HEATR4: variants seen among roughly 807,000 people sequenced by gnomAD.
HEATR4 encodes HEAT repeat-containing protein 4.
In HEATR4, 95 loss-of-function variants were observed where a neutral mutation model predicts 108.8. The ratio of observed to expected loss-of-function variants is 0.87; its 90% CI spans 0.74 to 1.04. The LOEUF is 1.04. HEATR4 is among the 50% of genes least tolerant of loss of function. The probability of loss-of-function intolerance (pLI) is 0.00; values close to 1 mark genes in which losing one functional copy is unlikely to be tolerated. For synonymous variants in HEATR4, 443 were observed against 459.4 expected (o/e 0.96, Z 0.46); for missense variants, 1,152 against 1,253.8 (o/e 0.92, Z 1.23).
At chr14:73,618,518 T>C in the HEATR4 span, among the ~76,000 whole-genome samples, 1 of 149,330 alleles carries the variant, frequency 6.7e-6, no homozygotes. Context: ...CGGGCTGACC[T>C]CTCCCCTATG....
intron 1 of HEATR4, among the ~76,000 whole-genome samples, chr14:73,544,746 G>C (rs1292392318): frequency 7.0e-5 from 8 of 113,830 alleles, no homozygotes; most frequent in African/African-American, 2.3e-4. Flanking sequence ...AGACAAGCCT[G>C]GGCAACATGG....
At chr14:73,626,713 C>T in the HEATR4 span, among the ~76,000 whole-genome samples, 1 of 147,272 alleles carries the variant, frequency 6.8e-6, no homozygotes, top group Non-Finnish European at 1.5e-5. Context: ...GAAGCTGCAG[C>T]AAGTTATCCA....
the HEATR4 span, among the ~76,000 whole-genome samples, chr14:73,630,023 CA>C: frequency 2.3e-4 from 33 of 141,456 alleles, no homozygotes; most frequent in African/African-American, 8.4e-4. Context: ...GACACCATCT[CA>C]AAAAAAATAA....
In HEATR4 at chr14:73,499,055, A is replaced by C. The variant is rs1394470102; in HGVS notation, c.2356+16T>G. 1 of 1,610,478 alleles carries C rather than the reference A, an allele frequency of 6.2e-7. No homozygotes were observed. ...TATTTAAGGTTGAAGAGTTTGGGGCACTACTTCTATAATACCTCGAATGGC... is the reference window on the plus strand; with the variant it reads ...TATTTAAGGTTGAAGAGTTTGGGGCCCTACTTCTATAATACCTCGAATGGC... On this transcript the variant is annotated intron_variant, in intron 13 of 17. Coordinates refer to ENST00000553558, the MANE Select transcript of HEATR4 (RefSeq NM_001220484.1).
At chr14:73,633,297 G>A in the HEATR4 span, among the ~76,000 whole-genome samples, 1 of 152,050 alleles carries the variant, frequency 6.6e-6, no homozygotes, top group Non-Finnish European at 1.5e-5. Flanking sequence ...GAGCCACTGC[G>A]GGCTGTCCTG....
At chr14:73,626,758 ACACTAAAC>A in the HEATR4 span, among the ~76,000 whole-genome samples, 2 of 150,144 alleles carry the variant, frequency 1.3e-5, no homozygotes, top group African/African-American at 4.9e-5. Context: ...GAAGGTGGCT[ACACTAAAC>A]CACTAAACAA....
the HEATR4 span, chr14:73,613,169 C>G: frequency 2.2e-6 from 1 of 459,190 alleles, no homozygotes; most frequent in East Asian, 3.6e-5. Flanking sequence ...GTCTGGGCGT[C>G]CGCTGTTGCC....
chr14:73,481,125 G>A (rs1192614198), intron 17 of HEATR4, among the ~76,000 whole-genome samples: 1 of 152,136 alleles, frequency 6.6e-6, no homozygotes, highest in African/African-American at 2.4e-5. Flanking sequence ...AATTATTTTA[G>A]TAGAGACATG....
At chr14:73,578,582 A>G in the HEATR4 span, among the ~76,000 whole-genome samples, 1 of 151,954 alleles carries the variant, frequency 6.6e-6, no homozygotes, top group African/African-American at 2.4e-5. Flanking sequence ...TTTTCAACCC[A>G]TGCAAGCTGT....
At chr14:73,535,469 C>CTT (rs869167008) in intron 1 of HEATR4, among the ~76,000 whole-genome samples, 2 of 16,534 alleles carry the variant, frequency 1.2e-4, no homozygotes, top group African/African-American at 1.8e-4. Context: ...TTTCTTCTTT[C>CTT]TTTTTTTTTT....
At chr14:73,540,643 A>G (rs1329029813) in intron 1 of HEATR4, among the ~76,000 whole-genome samples, 6 of 118,274 alleles carry the variant, frequency 5.1e-5, no homozygotes, top group African/African-American at 1.7e-4. Context: ...GGATACTGGA[A>G]AGAGAGGAAA....
intron 1 of HEATR4, among the ~76,000 whole-genome samples, chr14:73,536,516 T>TA (rs543491523): frequency 0.12 from 7,213 of 59,220 alleles, 1,300 homozygotes; most frequent in East Asian, 0.23. Context: ...CCTGTCTCTT[T>TA]AAAAAAAAAA....
At chr14:73,509,194 C>T (rs1039554859) in intron 8 of HEATR4, 118 bp downstream of exon 8, 1 of 1,026,832 alleles carries the variant, frequency 9.7e-7, no homozygotes, top group African/African-American at 1.6e-5. Context: ...TAACATAAAT[C>T]TAAACCCAAT....
the HEATR4 span, among the ~76,000 whole-genome samples, chr14:73,609,454 C>A: frequency 6.6e-6 from 1 of 152,004 alleles, no homozygotes; most frequent in East Asian, 1.9e-4. Flanking sequence ...TTATTAGGAA[C>A]CTGCCAGGTC....
intron 5 of HEATR4, among the ~76,000 whole-genome samples, chr14:73,518,132 G>C (rs1220022249): frequency 2.0e-5 from 3 of 151,854 alleles, no homozygotes; most frequent in Admixed American, 2.0e-4. Context: ...GTCCACAGCT[G>C]TCTGGCGGGT....
the HEATR4 span, among the ~76,000 whole-genome samples, chr14:73,626,852 G>A: frequency 4.4e-5 from 6 of 137,258 alleles, no homozygotes; most frequent in Non-Finnish European, 6.1e-5. Flanking sequence ...AGGCTAGAGT[G>A]CAATGGTACG....
the HEATR4 span, among the ~76,000 whole-genome samples, chr14:73,610,266 C>G: frequency 6.7e-6 from 1 of 149,878 alleles, no homozygotes; most frequent in East Asian, 2.0e-4. Flanking sequence ...AATGTTGCAC[C>G]GAGATTGTTT....
Position 73,520,998 on chromosome 14 carries a change from A to T in HEATR4, c.923T>A (p.Met308Lys), listed in dbSNP as rs779530212. The stretch of plus-strand genomic sequence containing the variant: ...ATCCTCAGTGCTCTTGTTGCCAGGC[A>T]TGATCTCAACTGTCTCTGCTTGTTG... ...YFQQAETVEI[M>K]PGNKSTEDIH... Residue 308 changes from methionine to lysine, a missense_variant, in exon 4 of 18, where the codon ATG (methionine) becomes AAG (lysine). Transcript: ENST00000553558. 1.2e-6 allele frequency: 2 copies of T among 1,613,744 alleles called. No homozygotes were observed. Among genetic ancestry groups the T allele is most frequent in the Non-Finnish European group, 1.7e-6 (2 of 1,179,984 alleles).
At chr14:73,569,758 G>T in the HEATR4 span, 7 of 1,608,658 alleles carry the variant, frequency 4.4e-6, no homozygotes, top group Non-Finnish European at 5.9e-6. Flanking sequence ...GTGCTGGATG[G>T]CCACGACCCC....
Sources: gnomAD v4.1 joint callset for allele counts (sites outside exome capture counted in the v4.1 genomes callset) on GRCh38, gnomAD v4.1.1 for gene constraint, MANE v1.5 for transcripts, NCBI Gene and HGNC (gene_info 2026-07-23, HGNC 2026-07-21) for gene names.